Variants in BRF1 observed in about 807,000 individuals in gnomAD.
The protein encoded by BRF1 is transcription factor IIIB 90 kDa subunit.
A neutral mutation model predicts 81.7 loss-of-function variants in BRF1; 59 were observed. The observed-to-expected ratio is 0.72, with a 90% CI of 0.59 to 0.90. The LOEUF (loss-of-function observed/expected upper bound fraction) is 0.90, where lower values mean the gene tolerates loss of function less well. Ranked by LOEUF, BRF1 falls within the 40% of genes least tolerant of loss-of-function variation. The pLI, the probability that BRF1 is intolerant of heterozygous loss-of-function variation, is 0.00. For synonymous variants in BRF1, 491 were observed against 395.6 expected, an observed-to-expected ratio of 1.24 and a Z score of -2.86; for missense variants, 1,050 against 936.3, an observed-to-expected ratio of 1.12 and a Z score of -1.58.
intron 1 of BRF1, chr14:105,314,549 C>T (rs1259791355): frequency 6.8e-6 from 1 of 146,384 alleles, no homozygotes; most frequent in Non-Finnish European, 1.5e-5. Context: ...CCCCGTGAGG[C>T]GCCGCCGGAG....
intron 5 of BRF1, chr14:105,247,805 C>T: frequency 1.0e-6 from 1 of 985,622 alleles, no homozygotes; most frequent in Non-Finnish European, 1.2e-6. Flanking sequence ...GCTTGGCATG[C>T]ACCAGCTGTG....
chr14:105,273,853 C>T (rs1191209115), intron 2 of BRF1, among the ~76,000 whole-genome samples: 1 of 152,160 alleles, frequency 6.6e-6, no homozygotes, highest in Admixed American at 6.5e-5. Flanking sequence ...AATATGGCCT[C>T]GTGGGATGAG....
chr14:105,215,724 GCA>G (rs56049782), intron 15 of BRF1, among the ~76,000 whole-genome samples: 50,366 of 115,844 alleles, frequency 0.43, 12,530 homozygotes, highest in African/African-American at 0.76. Context: ...ACACACACAT[GCA>G]CACACACACA....
Position 105,315,166 on chromosome 14 carries a change from C to T in BRF1, c.-162+156G>A. ...CCCAGGTCGCCCCCCGCGCCCCCGC[C>T]CGCCGGTTCGACGCGTGCAGCCGCC... On this transcript the variant is annotated intron_variant, in intron 1 of 17. Transcript: ENST00000327359. The surrounding 1 kb of genome is among the most constrained non-coding windows in gnomAD (Gnocchi z 4.4). 1 of 476,960 alleles carries T rather than the reference C, an allele frequency of 2.1e-6. No homozygotes were observed. The allele number at this position is 476,960 out of a possible 1,614,324, so 29.5% of individuals were successfully genotyped here.
chr14:105,249,477 A>G, intron 5 of BRF1: 1 of 1,613,268 alleles, frequency 6.2e-7, no homozygotes, highest in Non-Finnish European at 8.5e-7. Context: ...GATCCTCTTA[A>G]AGTAAGTCCA....
chr14:105,248,662 T>G lies in BRF1; in HGVS notation c.544+3845A>C, dbSNP rs971199874. 5 of 978,744 alleles carry G rather than the reference T, an allele frequency of 5.1e-6. No individual in the cohort carries two copies. In the African/African-American group the frequency reaches 8.9e-5, roughly 17 times the overall value. The allele number at this position is 978,744 out of a possible 1,614,324, so 60.6% of individuals were successfully genotyped here. A position where few individuals can be genotyped will look rare whatever the true frequency, so the allele number is the denominator to read the frequency against. On this transcript the variant is annotated intron_variant, in intron 5 of 17. Coordinates refer to ENST00000547530, the MANE Select transcript of BRF1 (RefSeq NM_001519.4). ...TCGGGCAGGGTCGCAGGGGCGGGGG[T>G]GGCAGGGGAGCGGGTGGCAGCCCCG...
In BRF1 at chr14:105,284,850, T is replaced by A. The variant is rs2057256957; in HGVS notation, c.265+1446A>T. On this transcript the variant is annotated intron_variant, in intron 2 of 17. Coordinates refer to ENST00000547530, the MANE Select transcript of BRF1 (RefSeq NM_001519.4). The surrounding 1 kb of genome is among the most constrained non-coding windows in gnomAD (Gnocchi z 4.0). ...AGAAAGGAAAGATAACACGATCTTG[T>A]ACCGAAAATCCTAAGTGATCCGCTA... 6.6e-6 allele frequency among the ~76,000 whole-genome samples: 1 copy of A among 152,206 alleles called. No homozygotes were observed. The highest frequency in any genetic ancestry group is 6.5e-5 in the Admixed American group (1 of 15,286).
intron 3 of BRF1, among the ~76,000 whole-genome samples, chr14:105,266,247 G>C (rs893405331): frequency 6.6e-6 from 1 of 151,222 alleles, no homozygotes; most frequent in African/African-American, 2.4e-5. Context: ...GGAGTTTGAG[G>C]CCAGCCTGGG....
intron 3 of BRF1, 82 bp from the exon 4 acceptor site, chr14:105,256,631 C>T: frequency 6.4e-7 from 1 of 1,568,690 alleles, no homozygotes; most frequent in Non-Finnish European, 8.7e-7. Flanking sequence ...GACCGCAGGA[C>T]TGCACCTGCA....
chr14:105,307,746 G>A (rs2058231186), intron 1 of BRF1, among the ~76,000 whole-genome samples: 1 of 152,232 alleles, frequency 6.6e-6, no homozygotes, highest in Non-Finnish European at 1.5e-5. Context: ...ACAGGGATAA[G>A]AATAGCCCAC....
chr14:105,266,075 A>C (rs919216381), intron 3 of BRF1, among the ~76,000 whole-genome samples: 34 of 151,946 alleles, frequency 2.2e-4, no homozygotes, highest in African/African-American at 5.6e-4. Flanking sequence ...TGTCTCAAAA[A>C]AAAACAAAAC....
At chr14:105,250,781 C>T in intron 5 of BRF1, 2 of 1,178,302 alleles carry the variant, frequency 1.7e-6, no homozygotes, top group African/African-American at 3.1e-5. Context: ...CTCTCTTTGA[C>T]ATGTAGTCAG....
chr14:105,229,005 C>G (rs587598850), intron 6 of BRF1, 92 bp from the exon 7 acceptor site: 1 of 1,165,996 alleles, frequency 8.6e-7, no homozygotes, highest in South Asian at 1.2e-5. Context: ...ATCCCGGTCA[C>G]GGAGATGATG....
At chr14:105,286,270 T>A in intron 2 of BRF1, 26 bp downstream of exon 2, 1 of 1,604,806 alleles carries the variant, frequency 6.2e-7, no homozygotes, top group Non-Finnish European at 8.5e-7. Context: ...CGCCGCACGC[T>A]CAGCAGCATC....
chr14:105,217,902 G>C (rs1891598175), intron 14 of BRF1, 102 bp from the exon 15 acceptor site: 3 of 1,524,376 alleles, frequency 2.0e-6, no homozygotes, highest in Non-Finnish European at 2.6e-6. Context: ...GTGAGGCCTG[G>C]CTCAGGCCCT....
chr14:105,288,909 T>TG (rs1314458735), intron 1 of BRF1, among the ~76,000 whole-genome samples: 1 of 151,808 alleles, frequency 6.6e-6, no homozygotes, highest in Non-Finnish European at 1.5e-5. Flanking sequence ...TGGTGGCACC[T>TG]GCTTGTGGTC....
chr14:105,271,218 G>A lies in BRF1; in HGVS notation c.439+1503C>T, dbSNP rs1180479434. Among the ~76,000 whole-genome samples the A allele has an allele frequency of 6.6e-6, 1 of 152,240 alleles. No individual in the cohort carries two copies. The highest frequency in any genetic ancestry group is 1.9e-4 in the East Asian group (1 of 5,200). ...TGGCAGGCAGAGTAACAGAGAAGAA[G>A]GGAGACACATCTAACGACGAATTCA... On this transcript the variant is annotated intron_variant, in intron 3 of 17. Coordinates refer to ENST00000547530, the MANE Select transcript of BRF1 (RefSeq NM_001519.4). The surrounding 1 kb of genome is among the most constrained non-coding windows in gnomAD (Gnocchi z 5.5).
At position 105,220,364 on chromosome 14, in the gene BRF1, A is replaced by C. The variant is rs587725286; in HGVS notation, c.1316-234T>G. Among the ~76,000 whole-genome samples the C allele has an allele frequency of 1.0e-3, 156 of 152,332 alleles. 1 individual carries two copies. Among genetic ancestry groups the C allele is most frequent in the Admixed American group, 1.8e-3 (28 of 15,304 alleles). On this transcript the variant is annotated intron_variant, in intron 11 of 17. Transcript: ENST00000547530. ...GAACACTGAACTGAAGCTGCAAAGG[A>C]AAACCCCAGCACTTCTGTGCTTTTT...
At chr14:105,272,381 G>C (rs140973924) in intron 3 of BRF1, among the ~76,000 whole-genome samples, 71 of 152,332 alleles carry the variant, frequency 4.7e-4, no homozygotes, top group Non-Finnish European at 8.2e-4. Flanking sequence ...CCAGAGGGCG[G>C]CCTGAACCAC....
Sources: gnomAD v4.1 joint callset for allele counts (sites outside exome capture counted in the v4.1 genomes callset) on GRCh38, gnomAD v4.1.1 for gene constraint, Gnocchi (gnomAD v3.1) non-coding constraint, MANE v1.5 for transcripts, NCBI Gene and HGNC (gene_info 2026-07-23, HGNC 2026-07-21) for gene names.